The following TBC1D5 variants were observed in gnomAD, a reference collection of about 807,000 sequenced individuals.
TBC1D5 encodes TBC1 domain family, member 5.
A neutral mutation model predicts 100.3 loss-of-function variants in TBC1D5; 75 were observed. The ratio of observed to expected loss-of-function variants is 0.75; its 90% confidence interval spans 0.62 to 0.91. The LOEUF (loss-of-function observed/expected upper bound fraction) is 0.91, where lower values mean the gene tolerates loss of function less well. Among genes scored for constraint, TBC1D5 ranks in the 40% least tolerant of loss-of-function variants. The pLI, the probability that TBC1D5 is intolerant of heterozygous loss-of-function variation, is 0.00. For synonymous variants in TBC1D5, 323 were observed against 325.6 expected, an observed-to-expected ratio of 0.99 and a Z score of 0.09; for missense variants, 910 against 942.4, an observed-to-expected ratio of 0.97 and a Z score of 0.45.
At chr3:17,517,514 A>T (rs968689411) in intron 2 of TBC1D5, among the ~76,000 whole-genome samples, 5 of 152,238 alleles carry the variant, frequency 3.3e-5, no homozygotes, top group Admixed American at 6.5e-5. Flanking sequence ...CAATGATGAG[A>T]ATGTGTCATA....
intron 2 of TBC1D5, among the ~76,000 whole-genome samples, chr3:17,577,386 T>C (rs1314433041): frequency 6.6e-6 from 1 of 151,998 alleles, no homozygotes; most frequent in Non-Finnish European, 1.5e-5. Context: ...AAAAACTAAC[T>C]TTTAACTTGG....
At chr3:17,247,657 G>T (rs967051462) in intron 16 of TBC1D5, among the ~76,000 whole-genome samples, 3 of 152,130 alleles carry the variant, frequency 2.0e-5, no homozygotes, top group African/African-American at 7.2e-5. Context: ...TTAAAGAAAG[G>T]TTTCTCAATA....
chr3:17,699,936 C>T (rs2072889326), intron 1 of TBC1D5: 1 of 152,130 alleles, frequency 6.6e-6, no homozygotes, highest in Non-Finnish European at 1.5e-5. Flanking sequence ...ACCTCTTGAT[C>T]TGCAGTCAAA....
At chr3:17,541,982 T>G (rs1015829902) in intron 2 of TBC1D5, among the ~76,000 whole-genome samples, 6 of 152,116 alleles carry the variant, frequency 3.9e-5, no homozygotes, top group Non-Finnish European at 5.9e-5. Context: ...CGAACAAAAA[T>G]TAACAATAAA....
chr3:17,686,166 A>C (rs2070249143), intron 1 of TBC1D5, among the ~76,000 whole-genome samples: 1 of 152,136 alleles, frequency 6.6e-6, no homozygotes, highest in Admixed American at 6.6e-5. Context: ...TGGGAAGCTC[A>C]AAGTCCTTGA....
intron 1 of TBC1D5, among the ~76,000 whole-genome samples, chr3:17,734,190 T>G (rs565661253): frequency 9.2e-5 from 14 of 152,350 alleles, no homozygotes; most frequent in Admixed American, 3.3e-4. Context: ...GGACTACTTA[T>G]AGTACATTCA....
At chr3:17,617,714 A>C (rs2062295345) in intron 2 of TBC1D5, among the ~76,000 whole-genome samples, 1 of 152,180 alleles carries the variant, frequency 6.6e-6, no homozygotes, top group Admixed American at 6.5e-5. Flanking sequence ...TGCGTGCATC[A>C]CGAAGTTCTC....
intron 2 of TBC1D5, among the ~76,000 whole-genome samples, chr3:17,575,660 G>A (rs1035330133): frequency 2.6e-5 from 4 of 152,074 alleles, no homozygotes; most frequent in Admixed American, 6.6e-5. Flanking sequence ...GGGAGGATTC[G>A]TTCTTTATGT....
exon 22 of TBC1D5, chr3:17,160,586 A>C (rs191749394): frequency 5.1e-6 from 1 of 194,732 alleles, no homozygotes; most frequent in East Asian, 1.2e-4. Flanking sequence ...CCTTCTAAGT[A>C]TAACTGATGG....
At chr3:17,345,767 G>A (rs1267657763) in intron 13 of TBC1D5, among the ~76,000 whole-genome samples, 6 of 152,228 alleles carry the variant, frequency 3.9e-5, no homozygotes, top group Non-Finnish European at 8.8e-5. Context: ...CATGTCCTTC[G>A]TAGGGACGGG....
intron 4 of TBC1D5, among the ~76,000 whole-genome samples, chr3:17,417,708 G>A (rs1185934748): frequency 1.3e-5 from 2 of 152,086 alleles, no homozygotes; most frequent in Non-Finnish European, 2.9e-5. Flanking sequence ...TATATACCCA[G>A]TAATGGGATG....
chr3:17,551,859 C>A (rs1031561439), intron 2 of TBC1D5, among the ~76,000 whole-genome samples: 2 of 152,072 alleles, frequency 1.3e-5, no homozygotes, highest in African/African-American at 4.8e-5. Context: ...CAAAAAACAA[C>A]TGCGTATTAA....
intron 13 of TBC1D5, among the ~76,000 whole-genome samples, chr3:17,326,645 T>C (rs562275752): frequency 6.6e-6 from 1 of 152,090 alleles, no homozygotes; most frequent in Non-Finnish European, 1.5e-5. Context: ...AATTTTAAAA[T>C]TTATTTTTTG....
At chr3:17,292,829 G>C (rs1393211569) in intron 14 of TBC1D5, among the ~76,000 whole-genome samples, 6 of 152,162 alleles carry the variant, frequency 3.9e-5, no homozygotes, top group Non-Finnish European at 7.4e-5. Flanking sequence ...AACTTCTGTG[G>C]TTGCAAGTGA....
At chr3:17,194,169 C>T (rs1272883952) in intron 18 of TBC1D5, among the ~76,000 whole-genome samples, 1 of 152,168 alleles carries the variant, frequency 6.6e-6, no homozygotes, top group African/African-American at 2.4e-5. Context: ...TAACTCATCT[C>T]ACGCTAACCT....
intron 13 of TBC1D5, among the ~76,000 whole-genome samples, chr3:17,348,192 C>G (rs889320517): frequency 2.0e-5 from 3 of 152,138 alleles, no homozygotes; most frequent in Non-Finnish European, 4.4e-5. Context: ...ATTGCAATAG[C>G]ATTGTGTATT....
At chr3:17,384,187 A>G (rs1201574846) in intron 8 of TBC1D5, among the ~76,000 whole-genome samples, 172 bp from the exon 9 acceptor site, 1 of 152,102 alleles carries the variant, frequency 6.6e-6, no homozygotes, top group East Asian at 1.9e-4. Flanking sequence ...GCAAGGGGAA[A>G]TAATTACATC....
chr3:17,300,673 G>A (rs556454754), intron 14 of TBC1D5, among the ~76,000 whole-genome samples: 1 of 152,316 alleles, frequency 6.6e-6, no homozygotes, highest in African/African-American at 2.4e-5. Flanking sequence ...AAAAAACAAG[G>A]CAGGAAGTGG....
intron 19 of TBC1D5, among the ~76,000 whole-genome samples, chr3:17,177,817 C>CA (rs2125358518): frequency 6.6e-6 from 1 of 152,206 alleles, no homozygotes; most frequent in African/African-American, 2.4e-5. Context: ...TTGATACGGG[C>CA]ATGTAATGCA....
Sources: allele counts gnomAD v4.1 joint callset (sites outside exome capture counted in the v4.1 genomes callset), GRCh38; gene constraint gnomAD v4.1.1; transcripts MANE v1.5; gene names NCBI Gene and HGNC (gene_info 2026-07-23, HGNC 2026-07-21).